PSAP: variants seen among roughly 807,000 people sequenced by gnomAD.
PSAP encodes the protein prosaposin.
In PSAP, 25 loss-of-function variants were observed where a neutral mutation model predicts 66.0. That is an observed-to-expected ratio of 0.38 (90% CI 0.28 to 0.53). The LOEUF (loss-of-function observed/expected upper bound fraction) is 0.53, where lower values mean the gene tolerates loss of function less well. Ranked by LOEUF, PSAP falls within the 20% of genes least tolerant of loss-of-function variation. The pLI, the probability that PSAP is intolerant of heterozygous loss-of-function variation, is 0.83. For missense variants in PSAP, 649 were observed against 668.8 expected (o/e 0.97, Z 0.33); for synonymous variants, 273 against 258.9 (o/e 1.05, Z -0.52).
At chr10:71,831,985 A>G (rs1842530337) in intron 2 of PSAP, 65 bp from the exon 3 acceptor site, 8 of 1,461,734 alleles carry the variant, frequency 5.5e-6, no homozygotes, top group Non-Finnish European at 6.7e-6. Context: ...CACAGCTGGA[A>G]CTCCCCATGG....
At chr10:71,835,965 T>C (rs1227961193) in intron 1 of PSAP, among the ~76,000 whole-genome samples, 1 of 152,120 alleles carries the variant, frequency 6.6e-6, no homozygotes, top group Non-Finnish European at 1.5e-5. Context: ...TATAGGTCAG[T>C]ACGTGTTCTT....
At chr10:71,849,170 T>C (rs1280490373) in intron 1 of PSAP, among the ~76,000 whole-genome samples, 2 of 152,240 alleles carry the variant, frequency 1.3e-5, no homozygotes, top group East Asian at 1.9e-4. Flanking sequence ...TAGTTTATTA[T>C]ACAGACCATG....
chr10:71,836,944 C>T (rs746366340), intron 1 of PSAP, among the ~76,000 whole-genome samples: 1 of 152,190 alleles, frequency 6.6e-6, no homozygotes, highest in East Asian at 1.9e-4. Flanking sequence ...TAATCTTGGG[C>T]AGCCCCTTGT....
chr10:71,832,252 T>C (rs1428662686), intron 2 of PSAP, among the ~76,000 whole-genome samples: 1 of 152,010 alleles, frequency 6.6e-6, no homozygotes, highest in Non-Finnish European at 1.5e-5. Context: ...CAGAGTCACA[T>C]CAGTATGGCA....
chr10:71,822,071 C>A (rs1842312019), intron 7 of PSAP, 64 bp from the exon 8 acceptor site: 3 of 1,611,510 alleles, frequency 1.9e-6, no homozygotes, highest in East Asian at 4.5e-5. Context: ...CAGTCCCAAT[C>A]CAGCCAGAGG....
chr10:71,828,484 A>G (rs1842439275), intron 5 of PSAP, among the ~76,000 whole-genome samples: 1 of 152,080 alleles, frequency 6.6e-6, no homozygotes, highest in Non-Finnish European at 1.5e-5. Context: ...GGCAAAACAA[A>G]AAATACAAAA....
intron 1 of PSAP, among the ~76,000 whole-genome samples, chr10:71,842,371 C>T (rs1229720612): frequency 6.6e-6 from 1 of 152,074 alleles, no homozygotes; most frequent in Admixed American, 6.6e-5. Context: ...ATAATACATA[C>T]AATAAATATA....
chr10:71,826,504 C>T (rs1386955313), intron 6 of PSAP, among the ~76,000 whole-genome samples: 3 of 152,162 alleles, frequency 2.0e-5, no homozygotes, highest in Non-Finnish European at 4.4e-5. Flanking sequence ...TGCAAAGACA[C>T]TTAAAATGAG....
intron 6 of PSAP, among the ~76,000 whole-genome samples, chr10:71,826,705 C>A (rs1842404112): frequency 6.6e-6 from 1 of 150,612 alleles, no homozygotes; most frequent in Non-Finnish European, 1.5e-5. Context: ...TGTGCCACCG[C>A]ACTCCAGCCT....
intron 4 of PSAP, among the ~76,000 whole-genome samples, chr10:71,829,508 G>GT (rs1338433239): frequency 5.9e-5 from 9 of 152,196 alleles, no homozygotes; most frequent in African/African-American, 1.9e-4. Flanking sequence ...CTGCTGCCAT[G>GT]TAAGATGTGG....
chr10:71,829,289 TCTC>T (rs1224736175), intron 4 of PSAP, among the ~76,000 whole-genome samples: 5 of 152,044 alleles, frequency 3.3e-5, no homozygotes, highest in African/African-American at 9.7e-5. Flanking sequence ...CTTCCTCAAT[TCTC>T]CTATTAGGCA....
intron 1 of PSAP, among the ~76,000 whole-genome samples, chr10:71,836,696 C>T (rs1381444353): frequency 1.3e-5 from 2 of 152,136 alleles, no homozygotes; most frequent in Admixed American, 6.5e-5. Context: ...CCAGCACCCC[C>T]GATTCTTAAA....
intron 7 of PSAP, among the ~76,000 whole-genome samples, chr10:71,825,254 A>G (rs1254898985): frequency 1.3e-5 from 2 of 152,172 alleles, no homozygotes; most frequent in African/African-American, 4.8e-5. Flanking sequence ...AATCAGATCT[A>G]AGGAGGCAGT....
rs1842559392 is a variant in PSAP at position 71,833,439 on chromosome 10, C to CA, written c.174+932dup. On this transcript the variant is annotated intron_variant, in intron 2 of 13. Transcript: ENST00000394936. ...TGCCACTGCACTCCAGCCTAGGTGA[C>CA]AGAGCCAGACCCTGCCTCCAAAAAA... 2.0e-5 allele frequency among the ~76,000 whole-genome samples: 3 copies of CA among 152,320 alleles called. No homozygotes were observed. The South Asian group carries it at 6.2e-4, about 32-fold the overall frequency.
At chr10:71,825,749 C>T (rs1266730400) in intron 7 of PSAP, 88 bp downstream of exon 7, 1 of 1,306,548 alleles carries the variant, frequency 7.7e-7, no homozygotes, top group South Asian at 1.2e-5. Context: ...AAAAGGGAAA[C>T]TAAACCATAT....
rs1309677878 is a variant in PSAP at position 71,817,427 on chromosome 10, G to C, written c.*14C>G. 1.9e-6 allele frequency: 3 copies of C among 1,613,662 alleles called. No individual in the cohort carries two copies. In the African/African-American group the frequency reaches 4.0e-5, roughly 22 times the overall value. ...CAATGCTGTGGTTTCTGCCAAGATG[G>C]AATATTCCTCCTCCTAGTTCCACAC... On this transcript the variant is annotated 3_prime_UTR_variant, in exon 14 of 14. Coordinates refer to ENST00000394936, the MANE Select transcript of PSAP (RefSeq NM_002778.4).
At position 71,834,385 on chromosome 10, in the gene PSAP, T is replaced by C. The variant is rs539091862; in HGVS notation, c.161A>G (p.Asn54Ser). Residue 54 changes from asparagine (N) to serine (S), a missense_variant, in exon 2 of 14, where the codon AAC (asparagine) becomes AGC (serine). Transcript: ENST00000394936. The stretch of plus-strand genomic sequence containing the variant: ...AGCGGCACTCACCACTGTTGGCTTG[T>C]TCCAAACGGTCTGCAGGCAGTGCTT... ...AVKHCLQTVW[N>S]KPTVKSLPCD... 30 of 1,613,782 alleles carry C rather than the reference T, an allele frequency of 1.9e-5. No individual in the cohort carries two copies. The highest frequency in any genetic ancestry group is 3.3e-4 in the Middle Eastern group (2 of 6,018).
chr10:71,820,311 C>G lies in PSAP; in HGVS notation c.934G>C (p.Asp312His), dbSNP rs1472149430. 1 of 1,614,118 alleles carries G rather than the reference C, an allele frequency of 6.2e-7. No homozygotes were observed. The highest frequency in any genetic ancestry group is 8.5e-7 in the Non-Finnish European group (1 of 1,179,970). The change falls in exon 9 of 14, where the codon GAT (aspartate) becomes CAT (histidine). Residue 312 changes from aspartate (D) to histidine (H), a missense_variant. Transcript: ENST00000394936. Reference sequence around the variant, plus strand: ...AATTCACACACCTCACAGTAAACATCAGACTTTGCTGGGACCTCGTGCTTC... The same window carrying G: ...AATTCACACACCTCACAGTAAACATGAGACTTTGCTGGGACCTCGTGCTTC... ...IKKHEVPAKS[D>H]VYCEVCEFLV...
chr10:71,851,080 T>TAGGGCAGGGGGAGCAGAG (rs1842919393), intron 1 of PSAP, 102 bp downstream of exon 1: 1 of 1,381,222 alleles, frequency 7.2e-7, no homozygotes, highest in Non-Finnish European at 1.0e-6. Context: ...CCTTGCCAAC[T>TAGGGCAGGGGGAGCAGAG]AGGGCAGGGG....
Sources: gnomAD v4.1 joint callset for allele counts (sites outside exome capture counted in the v4.1 genomes callset) on GRCh38, gnomAD v4.1.1 for gene constraint, MANE v1.5 for transcripts, NCBI Gene and HGNC (gene_info 2026-07-23, HGNC 2026-07-21) for gene names.